Variants in DIAPH2 observed in about 807,000 individuals in gnomAD.
DIAPH2 encodes diaphanous related formin 2, also known as protein diaphanous homolog 2.
A neutral mutation model predicts 92.7 loss-of-function variants in DIAPH2; 35 were observed. The observed-to-expected ratio is 0.38, with a 90% CI of 0.29 to 0.50. DIAPH2 has a LOEUF of 0.50. Among genes scored for constraint, DIAPH2 ranks in the 20% least tolerant of loss-of-function variants. The probability of loss-of-function intolerance (pLI) is 0.94; values close to 1 mark genes in which losing one functional copy is unlikely to be tolerated. For missense variants in DIAPH2, 701 were observed against 819.5 expected (o/e 0.86, Z 1.77); for synonymous variants, 301 against 280.4 (o/e 1.07, Z -0.73).
intron 4 of DIAPH2, among the ~76,000 whole-genome samples, chrX:96,759,315 A>G (rs1185199923): frequency 2.7e-5 from 3 of 111,742 alleles, no homozygotes; most frequent in African/African-American, 6.5e-5. Flanking sequence ...TTGATTCTAT[A>G]TTGTACTTGA....
At chrX:97,467,950 G>C (rs2070528336) in intron 26 of DIAPH2, among the ~76,000 whole-genome samples, 1 of 111,843 alleles carries the variant, frequency 8.9e-6, no homozygotes, top group Non-Finnish European at 1.9e-5. Flanking sequence ...CTGGGGCTTA[G>C]GAGATGATGC....
At chrX:97,335,078 T>A (rs1326736684) in intron 23 of DIAPH2, among the ~76,000 whole-genome samples, 1 of 99,628 alleles carries the variant, frequency 1.0e-5, no homozygotes, top group African/African-American at 3.6e-5. Flanking sequence ...ATCCACCACA[T>A]ACTATCTAGA....
At chrX:97,461,349 A>G (rs1161334634) in intron 26 of DIAPH2, among the ~76,000 whole-genome samples, 1 of 111,709 alleles carries the variant, frequency 9.0e-6, no homozygotes, top group Non-Finnish European at 1.9e-5. Context: ...ATGTTCATTA[A>G]CACATCAGAA....
chrX:97,570,075 AATATATATATATATAT>A (rs1164491863), intron 26 of DIAPH2, among the ~76,000 whole-genome samples: 7 of 12,098 alleles, frequency 5.8e-4, no homozygotes, highest in Admixed American at 1.6e-3. Flanking sequence ...AAGGCCTTCT[AATATATATATATATAT>A]ATATATATAT....
intron 26 of DIAPH2, among the ~76,000 whole-genome samples, chrX:97,452,021 G>C (rs1269640397): frequency 1.8e-5 from 2 of 111,406 alleles, no homozygotes; most frequent in Non-Finnish European, 1.9e-5. Flanking sequence ...AGCAACTCTA[G>C]CAGTTCAGTT....
At chrX:97,151,021 A>C (rs770630973) in intron 22 of DIAPH2, among the ~76,000 whole-genome samples, 7 of 112,215 alleles carry the variant, frequency 6.2e-5, no homozygotes, top group Non-Finnish European at 1.1e-4. Context: ...GTAGAAAACC[A>C]TGTCTTCAAA....
intron 21 of DIAPH2, among the ~76,000 whole-genome samples, chrX:97,129,659 T>C (rs1427051826): frequency 9.0e-6 from 1 of 111,272 alleles, no homozygotes; most frequent in Non-Finnish European, 1.9e-5. Flanking sequence ...ACTTGCTAAA[T>C]TCATTTTGGA....
chrX:97,219,372 A>G (rs1226274373), intron 22 of DIAPH2, among the ~76,000 whole-genome samples: 6 of 112,055 alleles, frequency 5.4e-5, no homozygotes, highest in Non-Finnish European at 9.4e-5. Flanking sequence ...TAGGGATAAT[A>G]TGGGCAAATT....
At chrX:97,576,624 G>C (rs1331048431) in intron 26 of DIAPH2, among the ~76,000 whole-genome samples, 1 of 110,977 alleles carries the variant, frequency 9.0e-6, no homozygotes, top group East Asian at 2.8e-4. Flanking sequence ...ATTCAGGATA[G>C]GCCAATTCAT....
chrX:97,168,882 A>C (rs5921505), intron 22 of DIAPH2, among the ~76,000 whole-genome samples: 2 of 111,946 alleles, frequency 1.8e-5, no homozygotes, highest in East Asian at 5.6e-4. Flanking sequence ...GTCTTTTTAT[A>C]AAAGGCTTGC....
chrX:97,316,367 C>T (rs774728130), intron 23 of DIAPH2, among the ~76,000 whole-genome samples: 133 of 109,435 alleles, frequency 1.2e-3, no homozygotes, highest in Non-Finnish European at 1.9e-3. Context: ...ACTAGCCGAG[C>T]GCAGTGGCTC....
intron 22 of DIAPH2, among the ~76,000 whole-genome samples, chrX:97,181,266 C>G (rs2067537270): frequency 9.0e-6 from 1 of 110,732 alleles, no homozygotes; most frequent in East Asian, 2.9e-4. Flanking sequence ...GGATTTTTGA[C>G]ATGTTGGCCA....
At chrX:96,947,116 G>A (rs995844969) in intron 14 of DIAPH2, among the ~76,000 whole-genome samples, 2 of 111,464 alleles carry the variant, frequency 1.8e-5, no homozygotes, top group African/African-American at 3.3e-5. Context: ...TAAAATTAGC[G>A]GACTTGTAAG....
chrX:96,758,283 C>T lies in DIAPH2; in HGVS notation c.447+25C>T, dbSNP rs772300351. On this transcript the variant is annotated intron_variant, in intron 4 of 26. Transcript: ENST00000324765. ...TGTAAGTAGGGAGATTTTTCTAGCT[C>T]CAACAGAATGAGCAATGAGCTTAGC... 8 of 1,146,667 alleles carry T rather than the reference C, an allele frequency of 7.0e-6. No homozygotes were observed. The East Asian group carries it at 2.1e-4, about 30-fold the overall frequency. The allele number at this position is 1,146,667 out of a possible 1,213,427, so 94.5% of individuals were successfully genotyped here.
chrX:97,192,917 C>T (rs960454822), intron 22 of DIAPH2, among the ~76,000 whole-genome samples: 1 of 110,789 alleles, frequency 9.0e-6, no homozygotes, highest in African/African-American at 3.3e-5. Flanking sequence ...AGAACCTACA[C>T]ATTCATATTC....
At chrX:96,884,532 C>T (rs1250358956) in intron 5 of DIAPH2, 6 of 1,210,437 alleles carry the variant, frequency 5.0e-6, no homozygotes, top group Non-Finnish European at 6.7e-6. Context: ...TTTCCCAGGT[C>T]TCCATCGTGG....
chrX:97,136,366 A>C (rs1445728520), intron 21 of DIAPH2, among the ~76,000 whole-genome samples: 1 of 112,125 alleles, frequency 8.9e-6, no homozygotes, highest in East Asian at 2.8e-4. Flanking sequence ...GACATGGAGT[A>C]TTCATGTAAC....
chrX:97,484,669 CG>C, intron 26 of DIAPH2, among the ~76,000 whole-genome samples: 1 of 111,695 alleles, frequency 9.0e-6, no homozygotes, highest in Non-Finnish European at 1.9e-5. Flanking sequence ...GAGGCCGAGG[CG>C]GGCAGATCAC....
intron 26 of DIAPH2, among the ~76,000 whole-genome samples, chrX:97,561,268 A>G (rs1191844777): frequency 8.9e-6 from 1 of 112,244 alleles, no homozygotes; most frequent in Non-Finnish European, 1.9e-5. Context: ...TGATAGACAT[A>G]TGAGTAGGAC....
Sources: allele counts gnomAD v4.1 joint callset (sites outside exome capture counted in the v4.1 genomes callset), GRCh38; gene constraint gnomAD v4.1.1; transcripts MANE v1.5; gene names NCBI Gene and HGNC (gene_info 2026-07-23, HGNC 2026-07-21).